The following ARHGAP26 variants were observed in gnomAD, a reference collection of about 807,000 sequenced individuals.
The protein encoded by ARHGAP26 is rho GTPase-activating protein 26.
In ARHGAP26, 38 loss-of-function variants were observed where a neutral mutation model predicts 104.8. The observed-to-expected ratio is 0.36, with a 90% CI of 0.28 to 0.48. The LOEUF is 0.48. Among genes scored for constraint, ARHGAP26 ranks in the 20% least tolerant of loss-of-function variants. The probability of loss-of-function intolerance (pLI) is 0.99; values close to 1 mark genes in which losing one functional copy is unlikely to be tolerated. For missense variants in ARHGAP26, 704 were observed against 947.9 expected, an observed-to-expected ratio of 0.74 and a Z score of 3.38; for synonymous variants, 341 against 340.0, an observed-to-expected ratio of 1.00 and a Z score of -0.03.
intron 17 of ARHGAP26, among the ~76,000 whole-genome samples, chr5:143,120,060 G>A (rs1460245036): frequency 6.6e-6 from 1 of 152,180 alleles, no homozygotes; most frequent in Admixed American, 6.5e-5. Context: ...GTAATGAATA[G>A]CTTCCTTCTT....
intron 22 of ARHGAP26, among the ~76,000 whole-genome samples, chr5:143,218,174 C>T (rs1810618748): frequency 6.6e-6 from 1 of 152,242 alleles, no homozygotes; most frequent in African/African-American, 2.4e-5. Flanking sequence ...GAGAGACACT[C>T]TCACTATGAG....
chr5:143,071,542 G>A (rs900337605), intron 17 of ARHGAP26, among the ~76,000 whole-genome samples: 1 of 152,162 alleles, frequency 6.6e-6, no homozygotes, highest in African/African-American at 2.4e-5. Context: ...AAACACAGGG[G>A]AAATGCTTCA....
chr5:143,142,227 C>G (rs1467588318), intron 19 of ARHGAP26, among the ~76,000 whole-genome samples: 2 of 144,020 alleles, frequency 1.4e-5, no homozygotes, highest in African/African-American at 5.3e-5. Flanking sequence ...CAACCTTCGC[C>G]TCCCGGGTTC....
In ARHGAP26 at chr5:142,902,096, G is replaced by T. The variant is rs895125249; in HGVS notation, c.702+57G>T. The T allele has an allele frequency of 6.8e-6, 10 of 1,475,918 alleles. No individual in the cohort carries two copies. The East Asian group carries it at 2.3e-4, about 34-fold the overall frequency. The allele number at this position is 1,475,918 out of a possible 1,614,324, so 91.4% of individuals were successfully genotyped here. ...CTGGTTAAGGAAAAACAAAATATGG[G>T]CCTGATTGCCCTAGAAACCATCCAG... On this transcript the variant is annotated intron_variant, in intron 7 of 22. Coordinates refer to ENST00000645722, the MANE Select transcript of ARHGAP26 (RefSeq NM_001135608.3).
intron 1 of ARHGAP26, among the ~76,000 whole-genome samples, chr5:142,854,630 T>C (rs1752054461): frequency 6.6e-6 from 1 of 152,244 alleles, no homozygotes; most frequent in Non-Finnish European, 1.5e-5. Flanking sequence ...TTAAAAGTTA[T>C]TCTTACCTTC....
chr5:142,819,709 A>G (rs1433029716), intron 1 of ARHGAP26, among the ~76,000 whole-genome samples: 1 of 152,240 alleles, frequency 6.6e-6, no homozygotes, highest in Non-Finnish European at 1.5e-5. Flanking sequence ...CTGTATTTGG[A>G]AAACTTATAA....
intron 11 of ARHGAP26, among the ~76,000 whole-genome samples, chr5:142,971,604 C>T (rs764935542): frequency 7.9e-5 from 12 of 152,096 alleles, no homozygotes; most frequent in Non-Finnish European, 1.3e-4. Context: ...TTTTTAGAAA[C>T]GGAGGCTGAT....
intron 11 of ARHGAP26, among the ~76,000 whole-genome samples, chr5:142,952,251 A>G (rs886868469): frequency 1.7e-4 from 26 of 152,154 alleles, no homozygotes; most frequent in Non-Finnish European, 1.2e-4. Flanking sequence ...GACCCACTAG[A>G]GCAAGGGACT....
intron 10 of ARHGAP26, among the ~76,000 whole-genome samples, chr5:142,921,096 T>C (rs540923784): frequency 1.0e-3 from 159 of 152,338 alleles, no homozygotes; most frequent in African/African-American, 3.7e-3. Context: ...TTGCAAGCTT[T>C]CCATGAATAG....
At chr5:142,872,448 A>G (rs935003747) in intron 1 of ARHGAP26, among the ~76,000 whole-genome samples, 39 of 152,124 alleles carry the variant, frequency 2.6e-4, no homozygotes, top group African/African-American at 9.2e-4. Context: ...GGAACCATGT[A>G]TGAGGGTAAT....
At chr5:143,159,829 T>C (rs928385932) in intron 20 of ARHGAP26, among the ~76,000 whole-genome samples, 1 of 152,210 alleles carries the variant, frequency 6.6e-6, no homozygotes, top group East Asian at 1.9e-4. Flanking sequence ...GGAATGAATC[T>C]GTGTGGTTTT....
At chr5:142,862,018 T>C (rs189849907) in intron 1 of ARHGAP26, among the ~76,000 whole-genome samples, 18 of 152,362 alleles carry the variant, frequency 1.2e-4, no homozygotes, top group Non-Finnish European at 2.2e-4. Flanking sequence ...TCTGTGACTT[T>C]CCGAATTCAC....
At chr5:143,033,656 C>G (rs776607110) in intron 12 of ARHGAP26, among the ~76,000 whole-genome samples, 5 of 152,110 alleles carry the variant, frequency 3.3e-5, no homozygotes, top group Non-Finnish European at 5.9e-5. Flanking sequence ...TAGCCTTTGT[C>G]TAGGGCAGAA....
At chr5:142,991,699 A>G (rs537628885) in intron 11 of ARHGAP26, among the ~76,000 whole-genome samples, 1 of 152,348 alleles carries the variant, frequency 6.6e-6, no homozygotes, top group South Asian at 2.1e-4. Context: ...AGTATTCAGT[A>G]TGGTAACATG....
At chr5:142,800,362 T>C (rs938546167) in intron 1 of ARHGAP26, among the ~76,000 whole-genome samples, 4 of 150,084 alleles carry the variant, frequency 2.7e-5, no homozygotes, top group African/African-American at 7.4e-5. Flanking sequence ...GAGGTCTTTT[T>C]CTTTGTCTTT....
intron 11 of ARHGAP26, among the ~76,000 whole-genome samples, chr5:142,935,381 C>T (rs866584627): frequency 6.6e-5 from 10 of 152,270 alleles, no homozygotes; most frequent in African/African-American, 2.2e-4. Flanking sequence ...GCTTTGTGGG[C>T]CATGTGGTCG....
At chr5:142,807,554 T>G (rs1255258088) in intron 1 of ARHGAP26, among the ~76,000 whole-genome samples, 1 of 152,214 alleles carries the variant, frequency 6.6e-6, no homozygotes, top group Non-Finnish European at 1.5e-5. Flanking sequence ...CTCTGGTGTA[T>G]CCAGCACACT....
At chr5:142,998,390 G>A (rs575639889) in intron 11 of ARHGAP26, among the ~76,000 whole-genome samples, 19 of 152,216 alleles carry the variant, frequency 1.2e-4, no homozygotes, top group African/African-American at 2.2e-4. Flanking sequence ...GGATTTGTGC[G>A]TTCATCTGTC....
chr5:143,189,517 T>G (rs1435116471), intron 20 of ARHGAP26, among the ~76,000 whole-genome samples: 2 of 152,216 alleles, frequency 1.3e-5, no homozygotes, highest in Non-Finnish European at 2.9e-5. Flanking sequence ...CTTCTTTGGT[T>G]GTTTACGAGT....
Sources: allele counts gnomAD v4.1 joint callset (sites outside exome capture counted in the v4.1 genomes callset), GRCh38; gene constraint gnomAD v4.1.1; transcripts MANE v1.5; gene names NCBI Gene and HGNC (gene_info 2026-07-23, HGNC 2026-07-21).